The following TENM2 variants were observed in gnomAD, a reference collection of about 807,000 sequenced individuals.
The protein encoded by TENM2 is teneurin-2.
Under a neutral mutation model 245.2 loss-of-function variants are expected in TENM2, and 52 were observed. That is an observed-to-expected ratio of 0.21 (90% confidence interval 0.17 to 0.27). The LOEUF is 0.27. Among genes scored for constraint, TENM2 ranks in the 10% least tolerant of loss-of-function variants. TENM2 has a pLI of 1.00. For synonymous variants in TENM2, 1,363 were observed against 1,438.9 expected (o/e 0.95, Z 1.19); for missense variants, 3,046 against 3,666.8 (o/e 0.83, Z 4.37).
At chr5:167,823,626 C>A (rs1169728234) in intron 2 of TENM2, among the ~76,000 whole-genome samples, 2 of 152,102 alleles carry the variant, frequency 1.3e-5, no homozygotes, top group East Asian at 3.9e-4. Flanking sequence ...TCCTTGGGTA[C>A]CTTGAAGTGG....
At chr5:168,031,994 G>T (rs1236291996) in intron 5 of TENM2, among the ~76,000 whole-genome samples, 1 of 152,140 alleles carries the variant, frequency 6.6e-6, no homozygotes, top group Admixed American at 6.5e-5. Context: ...GAAATGTAGA[G>T]TCTGGCTTTG....
At chr5:167,809,079 A>G (rs1427712587) in intron 2 of TENM2, among the ~76,000 whole-genome samples, 1 of 152,186 alleles carries the variant, frequency 6.6e-6, no homozygotes. Context: ...TCAGTGTGGA[A>G]TTAATCCTCC....
the TENM2 span, among the ~76,000 whole-genome samples, chr5:167,223,558 T>C: frequency 5.1e-4 from 77 of 152,234 alleles, no homozygotes; most frequent in African/African-American, 1.8e-3. Context: ...TTCCATTGTG[T>C]TTATGTGCCA....
intron 2 of TENM2, among the ~76,000 whole-genome samples, chr5:167,421,526 G>A (rs913968796): frequency 6.6e-6 from 1 of 152,146 alleles, no homozygotes; most frequent in Non-Finnish European, 1.5e-5. Context: ...TCTAGTGAGA[G>A]CTCCAGTGAA....
the TENM2 span, among the ~76,000 whole-genome samples, chr5:167,030,326 CAAATTTCTGAGTTTG>C: frequency 6.6e-6 from 1 of 152,166 alleles, no homozygotes; most frequent in Non-Finnish European, 1.5e-5. Context: ...AAATAGAATC[CAAATTTCTGAGTTTG>C]AAATTTCTGG....
At chr5:167,367,426 C>T (rs973578149) in intron 1 of TENM2, among the ~76,000 whole-genome samples, 1 of 152,010 alleles carries the variant, frequency 6.6e-6, no homozygotes, top group East Asian at 1.9e-4. Context: ...TACACTTACT[C>T]TGTTGTTTTA....
rs144490632 is a variant in TENM2 at position 167,993,885 on chromosome 5, C to T, written c.1186+703C>T. Among the ~76,000 whole-genome samples the T allele has an allele frequency of 3.6e-3, 544 of 152,370 alleles. 4 individuals are homozygous for T. Among genetic ancestry groups the T allele is most frequent in the African/African-American group, 0.013 (521 of 41,594 alleles). On this transcript the variant is annotated intron_variant, in intron 5 of 28. Coordinates refer to ENST00000518659, the Ensembl canonical transcript of TENM2. ...GACATAGGTGAAGTTGCTGGAGTATCTTTCTCTGCATGCCAAAGGTGTTGG... is the reference window on the plus strand; with the variant it reads ...GACATAGGTGAAGTTGCTGGAGTATTTTTCTCTGCATGCCAAAGGTGTTGG...
intron 2 of TENM2, among the ~76,000 whole-genome samples, chr5:167,673,371 C>T (rs1756090496): frequency 6.6e-6 from 1 of 152,016 alleles, no homozygotes; most frequent in Non-Finnish European, 1.5e-5. Flanking sequence ...GACCTGACCC[C>T]TATGCCAAAA....
Position 168,031,089 on chromosome 5 carries a change from A to G in TENM2, c.1187-16338A>G, listed in dbSNP as rs570909119. 1.1e-4 allele frequency among the ~76,000 whole-genome samples: 17 copies of G among 152,298 alleles called. No individual in the cohort carries two copies. In the South Asian group the frequency reaches 3.5e-3, roughly 32 times the overall value. Reference sequence around the variant, plus strand: ...CACTGATTTCACATGTGCATGAGGTATGTGTACCAGGTCAGCTGATCTGAG... The same window carrying G: ...CACTGATTTCACATGTGCATGAGGTGTGTGTACCAGGTCAGCTGATCTGAG... On this transcript the variant is annotated intron_variant, in intron 5 of 28. Coordinates refer to ENST00000518659, the Ensembl canonical transcript of TENM2.
chr5:167,723,900 C>G (rs534276547), intron 2 of TENM2, among the ~76,000 whole-genome samples: 1 of 152,266 alleles, frequency 6.6e-6, no homozygotes, highest in African/African-American at 2.4e-5. Flanking sequence ...TGCTAAGGAA[C>G]GTGAATCTAA....
the TENM2 span, among the ~76,000 whole-genome samples, chr5:167,179,337 G>T: frequency 6.6e-6 from 1 of 152,156 alleles, no homozygotes; most frequent in East Asian, 1.9e-4. Flanking sequence ...ACGTACTAAC[G>T]GGATGAGAGA....
At chr5:167,686,187 A>T (rs1048463279) in intron 2 of TENM2, among the ~76,000 whole-genome samples, 2 of 152,226 alleles carry the variant, frequency 1.3e-5, no homozygotes, top group African/African-American at 4.8e-5. Flanking sequence ...TTGTAAGGAT[A>T]CATTTGAGAA....
At chr5:167,647,934 T>C (rs570775824) in intron 2 of TENM2, among the ~76,000 whole-genome samples, 1 of 152,182 alleles carries the variant, frequency 6.6e-6, no homozygotes, top group African/African-American at 2.4e-5. Context: ...CGCCCTGAAG[T>C]TTTGTTTCAA....
intron 2 of TENM2, among the ~76,000 whole-genome samples, chr5:167,731,199 A>AG (rs1007822247): frequency 9.9e-4 from 42 of 42,626 alleles, no homozygotes; most frequent in South Asian, 1.7e-3. Context: ...CCCTCCAGAC[A>AG]GTTTTTTTTT....
intron 5 of TENM2, among the ~76,000 whole-genome samples, chr5:167,996,506 G>A (rs562973471): frequency 6.6e-6 from 1 of 152,120 alleles, no homozygotes; most frequent in Non-Finnish European, 1.5e-5. Context: ...TTCCTCTCAG[G>A]AAGGTGTCTT....
At chr5:168,028,409 C>T (rs542234187) in intron 5 of TENM2, among the ~76,000 whole-genome samples, 4 of 152,152 alleles carry the variant, frequency 2.6e-5, no homozygotes, top group Non-Finnish European at 5.9e-5. Flanking sequence ...CCCATCCCAG[C>T]GTGACACAGA....
intron 2 of TENM2, among the ~76,000 whole-genome samples, chr5:167,726,387 A>G (rs964955130): frequency 2.0e-5 from 3 of 152,136 alleles, no homozygotes; most frequent in African/African-American, 7.2e-5. Flanking sequence ...TCATGGAGCT[A>G]AAGTTTAGTT....
chr5:167,561,673 G>T (rs975640604), intron 2 of TENM2, among the ~76,000 whole-genome samples: 14 of 152,164 alleles, frequency 9.2e-5, no homozygotes, highest in African/African-American at 3.4e-4. Context: ...GGGTGAGGAG[G>T]CGAGTGTTAG....
At chr5:167,096,952 CTG>C in the TENM2 span, among the ~76,000 whole-genome samples, 1 of 152,054 alleles carries the variant, frequency 6.6e-6, no homozygotes, top group African/African-American at 2.4e-5. Flanking sequence ...TTATCTTGCA[CTG>C]TGAGTCATGT....
Sources: allele counts gnomAD v4.1 joint callset (sites outside exome capture counted in the v4.1 genomes callset), GRCh38; gene constraint gnomAD v4.1.1; transcripts MANE v1.5; gene names NCBI Gene and HGNC (gene_info 2026-07-23, HGNC 2026-07-21).